The following ARHGAP10 variants were observed in gnomAD, a reference collection of about 807,000 sequenced individuals.
The protein encoded by ARHGAP10 is rho GTPase-activating protein 10.
In ARHGAP10, 87 loss-of-function variants were observed where a neutral mutation model predicts 108.6. That is an observed-to-expected ratio of 0.80 (90% CI 0.67 to 0.96). The LOEUF is 0.96. Ranked by LOEUF, ARHGAP10 falls within the 40% of genes least tolerant of loss-of-function variation. The pLI, the probability that ARHGAP10 is intolerant of heterozygous loss-of-function variation, is 0.00. For missense variants in ARHGAP10, 939 were observed against 954.5 expected (o/e 0.98, Z 0.21); for synonymous variants, 347 against 341.1 (o/e 1.02, Z -0.19).
chr4:148,027,216 A>G (rs1470052436), intron 19 of ARHGAP10, among the ~76,000 whole-genome samples: 1 of 152,250 alleles, frequency 6.6e-6, no homozygotes, highest in Non-Finnish European at 1.5e-5. Flanking sequence ...TTTTATATGT[A>G]TCTTCTGGTG....
intron 18 of ARHGAP10, among the ~76,000 whole-genome samples, chr4:147,997,211 A>C (rs1401563230): frequency 1.3e-5 from 2 of 152,226 alleles, no homozygotes; most frequent in Admixed American, 6.5e-5. Context: ...TTAACTAACC[A>C]AAATACCCAG....
chr4:147,996,152 A>G (rs1010550325), intron 18 of ARHGAP10, among the ~76,000 whole-genome samples: 1 of 152,198 alleles, frequency 6.6e-6, no homozygotes, highest in Non-Finnish European at 1.5e-5. Flanking sequence ...AACTTCCACA[A>G]AGGTACAGTC....
chr4:147,794,850 T>G (rs1231653370), intron 1 of ARHGAP10, among the ~76,000 whole-genome samples: 1 of 152,230 alleles, frequency 6.6e-6, no homozygotes, highest in Non-Finnish European at 1.5e-5. Context: ...TGTTCTATCA[T>G]GTAAGTATAG....
intron 4 of ARHGAP10, among the ~76,000 whole-genome samples, chr4:147,853,174 A>G (rs1410507241): frequency 6.6e-6 from 1 of 152,200 alleles, no homozygotes; most frequent in Non-Finnish European, 1.5e-5. Flanking sequence ...ACACAGTACT[A>G]TTTAGACATG....
intron 3 of ARHGAP10, among the ~76,000 whole-genome samples, chr4:147,826,039 A>G (rs1008533065): frequency 4.6e-5 from 7 of 152,204 alleles, no homozygotes; most frequent in African/African-American, 1.7e-4. Flanking sequence ...GGGCGGGGCT[A>G]CAGCATATCT....
chr4:147,899,192 A>G (rs1346132870), intron 10 of ARHGAP10, among the ~76,000 whole-genome samples: 1 of 152,134 alleles, frequency 6.6e-6, no homozygotes, highest in Admixed American at 6.5e-5. Flanking sequence ...TAGGAATTCT[A>G]AACATCACAC....
chr4:147,780,822 C>T (rs1193595716), intron 1 of ARHGAP10, among the ~76,000 whole-genome samples: 2 of 152,000 alleles, frequency 1.3e-5, no homozygotes, highest in Non-Finnish European at 2.9e-5. Flanking sequence ...GGAGTGCTGC[C>T]GGCATGGCAT....
chr4:147,904,790 C>A (rs1194550601), intron 10 of ARHGAP10, among the ~76,000 whole-genome samples: 1 of 152,176 alleles, frequency 6.6e-6, no homozygotes, highest in Admixed American at 6.5e-5. Context: ...AGTTCTAGAT[C>A]CCTGAGGAAT....
intron 18 of ARHGAP10, among the ~76,000 whole-genome samples, chr4:147,967,051 C>T (rs1200440315): frequency 6.6e-6 from 1 of 152,170 alleles, no homozygotes; most frequent in African/African-American, 2.4e-5. Context: ...TTTGTTATCT[C>T]CCTGGTTTAA....
chr4:147,743,282 C>T (rs552205100), intron 1 of ARHGAP10, among the ~76,000 whole-genome samples: 1 of 152,218 alleles, frequency 6.6e-6, no homozygotes, highest in Admixed American at 6.5e-5. Context: ...ATCCACCCGC[C>T]TCAGCCTCAA....
chr4:147,840,917 T>C (rs1733387445), intron 3 of ARHGAP10, among the ~76,000 whole-genome samples: 1 of 152,246 alleles, frequency 6.6e-6, no homozygotes, highest in Admixed American at 6.5e-5. Context: ...GTAAGAGCAT[T>C]GTTTTGCCAT....
chr4:147,966,115 A>G (rs1347741991), intron 17 of ARHGAP10, among the ~76,000 whole-genome samples: 1 of 152,226 alleles, frequency 6.6e-6, no homozygotes, highest in Admixed American at 6.5e-5. Flanking sequence ...TGCTTTTACA[A>G]AGGTGCTACG....
chr4:147,795,052 T>C (rs369850129), intron 1 of ARHGAP10, among the ~76,000 whole-genome samples: 109 of 152,322 alleles, frequency 7.2e-4, no homozygotes, highest in Middle Eastern at 6.8e-3. Flanking sequence ...GCTTTCTTTG[T>C]AAGGTAGCAG....
intron 19 of ARHGAP10, among the ~76,000 whole-genome samples, chr4:148,024,603 T>A (rs1428495051): frequency 6.6e-6 from 1 of 152,218 alleles, no homozygotes; most frequent in Non-Finnish European, 1.5e-5. Context: ...GTACATATGA[T>A]ACAAATATTA....
At chr4:147,855,119 T>A (rs1255438482) in intron 4 of ARHGAP10, among the ~76,000 whole-genome samples, 1 of 152,256 alleles carries the variant, frequency 6.6e-6, no homozygotes, top group Non-Finnish European at 1.5e-5. Context: ...TATGTGACCT[T>A]GCTTTGCAGC....
chr4:147,817,388 T>A (rs115779628), intron 1 of ARHGAP10, among the ~76,000 whole-genome samples: 257 of 152,298 alleles, frequency 1.7e-3, no homozygotes, highest in African/African-American at 5.9e-3. Context: ...TCTGTTTGTC[T>A]AATATCTCAT....
intron 10 of ARHGAP10, among the ~76,000 whole-genome samples, chr4:147,899,445 T>C (rs1156385833): frequency 6.6e-6 from 1 of 152,104 alleles, no homozygotes; most frequent in Non-Finnish European, 1.5e-5. Flanking sequence ...TGCTCTTAAA[T>C]GAGTTTTTGA....
At chr4:147,992,611 G>T (rs1740323237) in intron 18 of ARHGAP10, among the ~76,000 whole-genome samples, 1 of 152,002 alleles carries the variant, frequency 6.6e-6, no homozygotes, top group Non-Finnish European at 1.5e-5. Flanking sequence ...TCACCATGTT[G>T]GCCAGGCTGG....
chr4:147,784,829 TAAATATATTATA>T (rs1464779221), intron 1 of ARHGAP10, among the ~76,000 whole-genome samples: 5 of 28,066 alleles, frequency 1.8e-4, no homozygotes, highest in Admixed American at 7.5e-4. Context: ...ATATATATTA[TAAATATATTATA>T]AAATATATAT....
Sources: gnomAD v4.1 joint callset for allele counts (sites outside exome capture counted in the v4.1 genomes callset) on GRCh38, gnomAD v4.1.1 for gene constraint, MANE v1.5 for transcripts, NCBI Gene and HGNC (gene_info 2026-07-23, HGNC 2026-07-21) for gene names.